KIF26B: variants seen among roughly 807,000 people sequenced by gnomAD.
KIF26B encodes the protein kinesin family member 26B, also known as kinesin-like protein KIF26B.
In KIF26B, 63 loss-of-function variants were observed where a neutral mutation model predicts 151.2. The observed-to-expected ratio is 0.42, with a 90% CI of 0.34 to 0.51. The LOEUF is 0.51. Ranked by LOEUF, KIF26B falls within the 20% of genes least tolerant of loss-of-function variation. KIF26B has a pLI of 0.07. For missense variants in KIF26B, 2,813 were observed against 2,913.6 expected (o/e 0.97, Z 0.79); for synonymous variants, 1,357 against 1,262.1 (o/e 1.08, Z -1.59).
intron 2 of KIF26B, chr1:245,282,993 G>A (rs1671090432): frequency 6.6e-6 from 2 of 302,088 alleles, no homozygotes; most frequent in Non-Finnish European, 1.4e-5. Flanking sequence ...AACTTGTTCT[G>A]CTTGAGGCTC....
At chr1:245,525,311 T>A (rs1040960982) in intron 4 of KIF26B, among the ~76,000 whole-genome samples, 7 of 152,216 alleles carry the variant, frequency 4.6e-5, no homozygotes, top group African/African-American at 1.7e-4. Flanking sequence ...TTCTAAGCCA[T>A]TTCTTGGCAG....
chr1:245,360,296 C>A lies in KIF26B; in HGVS notation c.466-6538C>A, dbSNP rs566460543. Among the ~76,000 whole-genome samples the A allele has an allele frequency of 3.3e-5, 5 of 152,186 alleles. No individual in the cohort carries two copies. The East Asian group carries it at 9.6e-4, about 29-fold the overall frequency. ...CAAATCCTCCTAGATAAAAGACAGC[C>A]CTAAGATCATTGTCACCATCCTCCT... On this transcript the variant is annotated intron_variant, in intron 2 of 14. Coordinates refer to ENST00000407071, the MANE Select transcript of KIF26B (RefSeq NM_018012.4).
At chr1:245,286,674 C>T (rs1013147301) in intron 2 of KIF26B, among the ~76,000 whole-genome samples, 8 of 152,102 alleles carry the variant, frequency 5.3e-5, no homozygotes, top group African/African-American at 1.4e-4. Flanking sequence ...ACATCTAGAT[C>T]TTTTGTTATA....
intron 5 of KIF26B, among the ~76,000 whole-genome samples, chr1:245,591,317 T>G (rs1347263895): frequency 6.6e-6 from 1 of 152,158 alleles, no homozygotes; most frequent in Non-Finnish European, 1.5e-5. Context: ...GTAGCCTCAG[T>G]AAAAAGTAAT....
At chr1:245,348,392 A>G (rs1672500922) in intron 2 of KIF26B, among the ~76,000 whole-genome samples, 1 of 152,178 alleles carries the variant, frequency 6.6e-6, no homozygotes, top group Non-Finnish European at 1.5e-5. Context: ...ATATAAAAAA[A>G]CACCACAGTC....
intron 2 of KIF26B, among the ~76,000 whole-genome samples, chr1:245,347,743 A>C (rs1321370606): frequency 6.6e-6 from 1 of 152,204 alleles, no homozygotes; most frequent in East Asian, 1.9e-4. Flanking sequence ...GCCACCACTC[A>C]ATCAAAAGCT....
In KIF26B at chr1:245,218,148, G is replaced by C. The variant is rs531890330; in HGVS notation, c.465+61465G>C. On this transcript the variant is annotated intron_variant, in intron 2 of 14. Coordinates refer to ENST00000407071, the MANE Select transcript of KIF26B (RefSeq NM_018012.4). The surrounding 1 kb of genome is among the most constrained non-coding windows in gnomAD (Gnocchi z 4.1). ...CGGGCAGAGGCCAGAGGCCATGGTG[G>C]GGGCCCCAGAACTCAGGCTGGGAAT... Among the ~76,000 whole-genome samples, 2 of 152,328 alleles carry C rather than the reference G, an allele frequency of 1.3e-5. No homozygotes were observed. Among genetic ancestry groups the C allele is most frequent in the South Asian group, 4.2e-4 (2 of 4,818 alleles).
chr1:245,644,808 A>G (rs1454512427), intron 9 of KIF26B, among the ~76,000 whole-genome samples: 2 of 152,156 alleles, frequency 1.3e-5, no homozygotes, highest in African/African-American at 4.8e-5. Flanking sequence ...TCTCACATGA[A>G]TGTTGTGTTA....
At chr1:245,214,953 C>G (rs1468296803) in intron 2 of KIF26B, among the ~76,000 whole-genome samples, 3 of 152,132 alleles carry the variant, frequency 2.0e-5, no homozygotes, top group Admixed American at 2.0e-4. Context: ...AGGGAGGCAT[C>G]TTGGGAGATC....
intron 4 of KIF26B, among the ~76,000 whole-genome samples, chr1:245,440,530 T>C (rs1484397651): frequency 1.3e-5 from 2 of 152,166 alleles, no homozygotes; most frequent in African/African-American, 4.8e-5. Context: ...AATCCACAGA[T>C]GGCAGGCTGC....
intron 10 of KIF26B, among the ~76,000 whole-genome samples, chr1:245,670,594 T>C (rs148254726): frequency 1.3e-5 from 2 of 152,152 alleles, no homozygotes; most frequent in Non-Finnish European, 2.9e-5. Flanking sequence ...CATAGTAGCA[T>C]TAAGCATAAT....
chr1:245,343,875 T>C (rs560535497), intron 2 of KIF26B, among the ~76,000 whole-genome samples: 4 of 152,212 alleles, frequency 2.6e-5, no homozygotes, highest in Non-Finnish European at 5.9e-5. Flanking sequence ...TCACAACTGA[T>C]GAAGGTAACA....
chr1:245,610,399 G>C (rs2043506546), intron 8 of KIF26B, among the ~76,000 whole-genome samples: 1 of 152,086 alleles, frequency 6.6e-6, no homozygotes, highest in Non-Finnish European at 1.5e-5. Flanking sequence ...AACACTGATC[G>C]CTGGGCACCC....
At chr1:245,416,040 G>T (rs1460302944) in intron 3 of KIF26B, among the ~76,000 whole-genome samples, 1 of 150,806 alleles carries the variant, frequency 6.6e-6, no homozygotes, top group African/African-American at 2.5e-5. Context: ...GCTGAGGTGG[G>T]CGGATCACCT....
chr1:245,522,917 CACTT>C (rs1661160365), intron 4 of KIF26B, among the ~76,000 whole-genome samples: 1 of 152,194 alleles, frequency 6.6e-6, no homozygotes, highest in South Asian at 2.1e-4. Context: ...TAAACGGAGA[CACTT>C]AGGATATAGT....
intron 2 of KIF26B, among the ~76,000 whole-genome samples, chr1:245,243,714 G>C (rs1416584066): frequency 6.6e-6 from 1 of 152,056 alleles, no homozygotes; most frequent in Non-Finnish European, 1.5e-5. Context: ...AGCCAGGCAT[G>C]GTGGCACACG....
chr1:245,329,088 G>A (rs1672051264), intron 2 of KIF26B, among the ~76,000 whole-genome samples: 1 of 152,194 alleles, frequency 6.6e-6, no homozygotes. Flanking sequence ...TCACAGGCTC[G>A]CAAAGAGGTC....
chr1:245,521,744 G>A (rs1382293880), intron 4 of KIF26B, among the ~76,000 whole-genome samples: 1 of 152,208 alleles, frequency 6.6e-6, no homozygotes, highest in African/African-American at 2.4e-5. Context: ...GGGGAATGCA[G>A]TTGTAGGAAA....
chr1:245,687,282 A>G lies in KIF26B; in HGVS notation c.4299A>G (p.Lys1433=), dbSNP rs774172363. ...SRESKENSAK[K]EMKFEDPWLK... is the part of the protein sequence containing the mutation. ...AGAGTAAGGAAAACAGTGCAAAGAA[A>G]GAGATGAAATTTGAGGACCCGTGGC... The change falls in exon 12 of 15, where the codon AAA becomes AAG. Residue 1433 remains lysine (K), a synonymous_variant. Transcript: ENST00000407071. This position sits in a 1 kb window ranked among gnomAD's most constrained non-coding sequence, Gnocchi z 4.9. The G allele has an allele frequency of 1.9e-6, 3 of 1,610,332 alleles. No homozygotes were observed. The highest frequency in any genetic ancestry group is 1.1e-5 in the South Asian group (1 of 90,332).
Sources: gnomAD v4.1 joint callset for allele counts (sites outside exome capture counted in the v4.1 genomes callset) on GRCh38, gnomAD v4.1.1 for gene constraint, Gnocchi (gnomAD v3.1) non-coding constraint, MANE v1.5 for transcripts, NCBI Gene and HGNC (gene_info 2026-07-23, HGNC 2026-07-21) for gene names.